Variants in FARS2 observed in about 807,000 individuals in gnomAD.
FARS2 encodes phenylalanine--tRNA ligase, mitochondrial.
Under a neutral mutation model 46.4 loss-of-function variants are expected in FARS2, and 40 were observed. That is an observed-to-expected ratio of 0.86 (90% confidence interval 0.67 to 1.12). The LOEUF (loss-of-function observed/expected upper bound fraction) is 1.12, where lower values mean the gene tolerates loss of function less well. Among genes scored for constraint, FARS2 ranks in the 50% most tolerant of loss-of-function variants. The pLI, the probability that FARS2 is intolerant of heterozygous loss-of-function variation, is 0.00. For missense variants in FARS2, 513 were observed against 567.9 expected (o/e 0.90, Z 0.98); for synonymous variants, 234 against 214.9 (o/e 1.09, Z -0.78).
In FARS2 at chr6:5,563,081, CAGA is replaced by C. The variant is rs1772103728; in HGVS notation, c.1065+17742_1065+17744del. Among the ~76,000 whole-genome samples the C allele has an allele frequency of 2.9e-5, 4 of 138,794 alleles. No homozygotes were observed. The South Asian group carries it at 7.8e-4, about 27-fold the overall frequency. The allele number at this position is 138,794 out of a possible 152,430, so 91.1% of individuals were successfully genotyped here. On this transcript the variant is annotated intron_variant, in intron 5 of 6. Coordinates refer to ENST00000274680, the MANE Select transcript of FARS2 (RefSeq NM_006567.5). ...AGGAAGAAGCTCCCCCGTACAGAGA[CAGA>C]GGGAGGGGGGCTCCAAAGCCAAAAG...
rs535200528 is a variant in FARS2 at position 5,562,920 on chromosome 6, A to G, written c.1065+17580A>G. Among the ~76,000 whole-genome samples the G allele has an allele frequency of 3.3e-5, 5 of 151,420 alleles. No homozygotes were observed. In the East Asian group the frequency reaches 9.8e-4, roughly 30 times the overall value. On this transcript the variant is annotated intron_variant, in intron 5 of 6. Coordinates refer to ENST00000274680, the MANE Select transcript of FARS2 (RefSeq NM_006567.5). ...CCAGATTGAAGCGATTCTCCTGCCTAAGCCTCCCGAGTAGCTGGGATTACA... is the reference window on the plus strand; with the variant it reads ...CCAGATTGAAGCGATTCTCCTGCCTGAGCCTCCCGAGTAGCTGGGATTACA...
At chr6:5,264,073 C>T (rs1418838409) in intron 1 of FARS2, among the ~76,000 whole-genome samples, 1 of 151,928 alleles carries the variant, frequency 6.6e-6, no homozygotes, top group African/African-American at 2.4e-5. Flanking sequence ...AGCGAAACCT[C>T]ACCTCTACAC....
chr6:5,355,415 G>T, intron 1 of FARS2, among the ~76,000 whole-genome samples: 2 of 143,230 alleles, frequency 1.4e-5, no homozygotes, highest in Admixed American at 7.2e-5. Flanking sequence ...CTGTCACCCA[G>T]GCGTGATCTC....
At chr6:5,380,014 G>A (rs138670435) in intron 2 of FARS2, among the ~76,000 whole-genome samples, 75 of 152,320 alleles carry the variant, frequency 4.9e-4, no homozygotes, top group African/African-American at 1.6e-3. Context: ...TAGGGAGATA[G>A]GCTATCATTT....
intron 5 of FARS2, among the ~76,000 whole-genome samples, chr6:5,607,820 T>C (rs1774928974): frequency 1.3e-5 from 2 of 152,148 alleles, no homozygotes; most frequent in Non-Finnish European, 2.9e-5. Flanking sequence ...TATTATCTTT[T>C]TATTAGAAAG....
intron 2 of FARS2, among the ~76,000 whole-genome samples, chr6:5,404,194 A>G (rs990839697): frequency 1.3e-5 from 2 of 152,178 alleles, no homozygotes; most frequent in African/African-American, 4.8e-5. Context: ...ATGGTCAGGG[A>G]TGTAATTTTA....
At chr6:5,564,894 A>G (rs1314561016) in intron 5 of FARS2, among the ~76,000 whole-genome samples, 1 of 152,212 alleles carries the variant, frequency 6.6e-6, no homozygotes, top group Non-Finnish European at 1.5e-5. Flanking sequence ...GACTGTGCAG[A>G]CAAGGCATGA....
At chr6:5,461,929 G>T (rs1765264437) in intron 4 of FARS2, among the ~76,000 whole-genome samples, 2 of 152,166 alleles carry the variant, frequency 1.3e-5, no homozygotes, top group African/African-American at 4.8e-5. Context: ...TTTCTTTGGG[G>T]TAGGCACCCA....
At chr6:5,263,001 A>T (rs1581636444) in intron 1 of FARS2, among the ~76,000 whole-genome samples, 1 of 152,360 alleles carries the variant, frequency 6.6e-6, no homozygotes, top group African/African-American at 2.4e-5. Flanking sequence ...TGCCAGTGAT[A>T]TGAAATGATA....
chr6:5,593,371 A>G (rs796366626), intron 5 of FARS2, among the ~76,000 whole-genome samples: 16 of 151,854 alleles, frequency 1.1e-4, no homozygotes, highest in African/African-American at 2.9e-4. Context: ...TTATCTTCAC[A>G]GTGCAGGGGC....
intron 1 of FARS2, among the ~76,000 whole-genome samples, chr6:5,322,704 G>A (rs1299246562): frequency 6.6e-6 from 1 of 152,220 alleles, no homozygotes; most frequent in African/African-American, 2.4e-5. Context: ...GGCTTGCAGA[G>A]ACGTGACCTT....
intron 4 of FARS2, among the ~76,000 whole-genome samples, chr6:5,519,191 A>G (rs1400552745): frequency 1.3e-5 from 2 of 152,198 alleles, no homozygotes; most frequent in African/African-American, 2.4e-5. Context: ...TGCAAACCCA[A>G]AGGAAGGGTG....
the FARS2 span, among the ~76,000 whole-genome samples, chr6:5,255,723 A>G: frequency 6.6e-6 from 1 of 151,954 alleles, no homozygotes; most frequent in Admixed American, 6.5e-5. Context: ...GGATTTCTCA[A>G]TCTTGGCATG....
intron 5 of FARS2, among the ~76,000 whole-genome samples, chr6:5,557,524 A>G (rs1771731572): frequency 6.6e-6 from 1 of 152,120 alleles, no homozygotes; most frequent in Non-Finnish European, 1.5e-5. Flanking sequence ...TTATTTTCTG[A>G]TATTTGTACT....
chr6:5,494,412 T>C (rs1561661724), intron 4 of FARS2, among the ~76,000 whole-genome samples: 1 of 152,214 alleles, frequency 6.6e-6, no homozygotes, highest in East Asian at 1.9e-4. Context: ...GGCTGCGGCT[T>C]CACACTGCCT....
chr6:5,419,902 C>T (rs1409743052), intron 3 of FARS2, among the ~76,000 whole-genome samples: 1 of 152,172 alleles, frequency 6.6e-6, no homozygotes, highest in Non-Finnish European at 1.5e-5. Context: ...TTTATCCTCT[C>T]TTCCTGTTTT....
chr6:5,321,625 G>T (rs1364637331), intron 1 of FARS2, among the ~76,000 whole-genome samples: 2 of 113,186 alleles, frequency 1.8e-5, no homozygotes, highest in African/African-American at 7.9e-5. Flanking sequence ...TCCCCATTCG[G>T]TAGGTGTCTT....
intron 3 of FARS2, among the ~76,000 whole-genome samples, chr6:5,410,347 A>C (rs1582024639): frequency 6.6e-6 from 1 of 151,662 alleles, no homozygotes; most frequent in Non-Finnish European, 1.5e-5. Flanking sequence ...TTTTTAGTAG[A>C]GACGGGGTTT....
chr6:5,444,843 C>T (rs1434794755), intron 4 of FARS2, among the ~76,000 whole-genome samples: 1 of 152,158 alleles, frequency 6.6e-6, no homozygotes, highest in Non-Finnish European at 1.5e-5. Flanking sequence ...CCCTCAGCTG[C>T]TCAGTACAAT....
Sources: gnomAD v4.1 joint callset for allele counts (sites outside exome capture counted in the v4.1 genomes callset) on GRCh38, gnomAD v4.1.1 for gene constraint, MANE v1.5 for transcripts, NCBI Gene and HGNC (gene_info 2026-07-23, HGNC 2026-07-21) for gene names.